MTMR9: variants seen among roughly 807,000 people sequenced by gnomAD.
MTMR9 encodes myotubularin-related protein 9.
In MTMR9, 39 loss-of-function variants were observed where a neutral mutation model predicts 69.5. That is an observed-to-expected ratio of 0.56 (90% CI 0.43 to 0.73). The LOEUF (loss-of-function observed/expected upper bound fraction) is 0.73, where lower values mean the gene tolerates loss of function less well. Among genes scored for constraint, MTMR9 ranks in the 30% least tolerant of loss-of-function variants. The pLI, the probability that MTMR9 is intolerant of heterozygous loss-of-function variation, is 0.00. For missense variants in MTMR9, 900 were observed against 671.2 expected (o/e 1.34, Z -3.77); for synonymous variants, 354 against 240.8 (o/e 1.47, Z -4.35).
Position 11,325,569 on chromosome 8 carries a change from G to T in MTMR9, c.*2781G>T, listed in dbSNP as rs890591938. On this transcript the variant is annotated 3_prime_UTR_variant, in exon 10 of 10. Coordinates refer to ENST00000221086, the MANE Select transcript of MTMR9 (RefSeq NM_015458.4). ...GGTTTTTATACAGGAGATACGTAAA[G>T]TAGGCCCCACAAATAATATTTTTAA... The T allele has an allele frequency of 6.6e-6, 1 of 152,036 alleles. No homozygotes were observed. The highest frequency in any genetic ancestry group is 2.1e-4 in the South Asian group (1 of 4,826). The allele number at this position is 152,036 out of a possible 1,614,324, so 9.4% of individuals were successfully genotyped here.
chr8:11,332,174 A>G (rs762217730), downstream of MTMR9: 2 of 1,597,222 alleles, frequency 1.3e-6, no homozygotes, highest in Non-Finnish European at 1.7e-6. Context: ...AAATAAAGAC[A>G]AAGACTGAAG....
chr8:11,329,634 G>A (rs897535288), downstream of MTMR9, among the ~76,000 whole-genome samples: 2 of 152,236 alleles, frequency 1.3e-5, no homozygotes, highest in Non-Finnish European at 2.9e-5. Flanking sequence ...TGCCCAGGCT[G>A]GAGTGCAGTG....
At chr8:11,298,855 C>T in intron 2 of MTMR9, 1 of 985,066 alleles carries the variant, frequency 1.0e-6, no homozygotes, top group Non-Finnish European at 1.2e-6. Flanking sequence ...GTCTGTTTTC[C>T]AGGATTCAAG....
chr8:11,296,015 C>G (rs2117373793), intron 2 of MTMR9, among the ~76,000 whole-genome samples: 1 of 152,088 alleles, frequency 6.6e-6, no homozygotes, highest in Middle Eastern at 3.4e-3. Flanking sequence ...CTTGAATATA[C>G]TAGTATATCT....
intron 6 of MTMR9, among the ~76,000 whole-genome samples, chr8:11,312,133 C>T (rs533854689): frequency 2.4e-4 from 37 of 152,178 alleles, no homozygotes; most frequent in Admixed American, 2.1e-3. Flanking sequence ...CAGCCTAGAA[C>T]TCCTGGGCTC....
intron 3 of MTMR9, among the ~76,000 whole-genome samples, chr8:11,300,956 G>T (rs1799729047): frequency 6.6e-6 from 1 of 152,296 alleles, no homozygotes; most frequent in Admixed American, 6.5e-5. Flanking sequence ...TGTGGTCTCT[G>T]TTGTAACTAC....
chr8:11,286,336 C>G (rs1460923518), intron 1 of MTMR9, among the ~76,000 whole-genome samples: 3 of 151,430 alleles, frequency 2.0e-5, no homozygotes, highest in Admixed American at 6.6e-5. Flanking sequence ...GCAGGGGGCT[C>G]TTATTAGTCT....
At chr8:11,295,460 G>A (rs1360791757) in intron 2 of MTMR9, among the ~76,000 whole-genome samples, 158 bp downstream of exon 2, 2 of 151,898 alleles carry the variant, frequency 1.3e-5, no homozygotes, top group Non-Finnish European at 2.9e-5. Context: ...TCATATGAGT[G>A]TAATGGAACT....
At chr8:11,296,203 ACTT>A (rs1217168697) in intron 2 of MTMR9, among the ~76,000 whole-genome samples, 7 of 152,172 alleles carry the variant, frequency 4.6e-5, no homozygotes, top group African/African-American at 1.7e-4. Context: ...TTGGTAAAGT[ACTT>A]AACATCTCTC....
intron 5 of MTMR9, among the ~76,000 whole-genome samples, 180 bp downstream of exon 5, chr8:11,306,587 A>C (rs1323438798): frequency 6.6e-6 from 1 of 152,196 alleles, no homozygotes; most frequent in Non-Finnish European, 1.5e-5. Flanking sequence ...ATTGACAAAT[A>C]AAAATTACAT....
At position 11,291,657 on chromosome 8, in the gene MTMR9, C is replaced by A. The variant is rs114975216; in HGVS notation, c.183-3537C>A. Among the ~76,000 whole-genome samples, 647 of 152,136 alleles carry A rather than the reference C, an allele frequency of 4.3e-3. 4 individuals carry two copies. Among genetic ancestry groups the A allele is most frequent in the African/African-American group, 0.015 (626 of 41,540 alleles). The stretch of plus-strand genomic sequence containing the variant: ...GACATAAAGTAACAATTATTTTTAA[C>A]TCCTCTAGTCATTCATTATACTTTA... On this transcript the variant is annotated intron_variant, in intron 1 of 9. Coordinates refer to ENST00000221086, the MANE Select transcript of MTMR9 (RefSeq NM_015458.4).
downstream of MTMR9, among the ~76,000 whole-genome samples, chr8:11,332,522 A>G (rs982451510): frequency 9.2e-5 from 14 of 152,130 alleles, no homozygotes; most frequent in Non-Finnish European, 1.8e-4. Flanking sequence ...AACCAGGTAG[A>G]AATTTTGTAG....
At chr8:11,288,341 T>TA (rs1799266280) in intron 1 of MTMR9, among the ~76,000 whole-genome samples, 1 of 139,952 alleles carries the variant, frequency 7.1e-6, no homozygotes, top group African/African-American at 2.6e-5. Context: ...AAATATATAA[T>TA]ATATTTATAT....
At chr8:11,320,460 G>A (rs568813071) in intron 9 of MTMR9, 3 of 152,374 alleles carry the variant, frequency 2.0e-5, no homozygotes, top group East Asian at 3.9e-4. Context: ...CAGGTGTGGT[G>A]GCTCACGCCT....
chr8:11,309,675 C>G lies in MTMR9; in HGVS notation c.958C>G (p.Gln320Glu). 2 of 1,613,778 alleles carry G rather than the reference C, an allele frequency of 1.2e-6. No homozygotes were observed. Among genetic ancestry groups the G allele is most frequent in the South Asian group, 1.1e-5 (1 of 91,060 alleles). The change falls in exon 6 of 10, where the codon CAG becomes GAG. Residue 320 changes from glutamine to glutamate, a missense_variant. Coordinates refer to ENST00000221086, the MANE Select transcript of MTMR9 (RefSeq NM_015458.4). ...TCTGACAACTGCCTGCCTAGCGGCT[C>G]AGTGCATCGACAGGTAAAGTGCATT... is the stretch of plus-strand genomic sequence containing the variant. ...EILTTACLAAQCIDREGASIL... is the reference protein window; with the variant it reads ...EILTTACLAAECIDREGASIL...
chr8:11,297,834 G>T (rs1238141371), intron 2 of MTMR9: 1 of 455,996 alleles, frequency 2.2e-6, no homozygotes, highest in Non-Finnish European at 4.4e-6. Flanking sequence ...TGAATGCTCT[G>T]TTAAATGTTC....
At chr8:11,331,946 C>A (rs1425853568), downstream of MTMR9, 4 of 1,612,020 alleles carry the variant, frequency 2.5e-6, no homozygotes, top group Admixed American at 5.0e-5. Context: ...CCCACCCTGC[C>A]CTGGTGTGCG....
intron 6 of MTMR9, among the ~76,000 whole-genome samples, chr8:11,312,359 TTA>T (rs1340871034): frequency 1.3e-5 from 2 of 151,560 alleles, no homozygotes; most frequent in Admixed American, 1.3e-4. Flanking sequence ...ATTTTGTTTT[TTA>T]TGAGATGGGG....
intron 8 of MTMR9, chr8:11,318,707 T>G (rs1021803305): frequency 3.3e-5 from 5 of 152,246 alleles, no homozygotes; most frequent in Non-Finnish European, 5.9e-5. Context: ...GTTTTAGAAT[T>G]ATTATGAAGC....
Sources: gnomAD v4.1 joint callset for allele counts (sites outside exome capture counted in the v4.1 genomes callset) on GRCh38, gnomAD v4.1.1 for gene constraint, MANE v1.5 for transcripts, NCBI Gene and HGNC (gene_info 2026-07-23, HGNC 2026-07-21) for gene names.